Variants in NID2 observed in about 807,000 individuals in gnomAD.
NID2 encodes nidogen 2.
Under a neutral mutation model 145.4 loss-of-function variants are expected in NID2, and 83 were observed. The observed-to-expected ratio is 0.57, with a 90% CI of 0.48 to 0.69. NID2 has a LOEUF of 0.69. Among genes scored for constraint, NID2 ranks in the 30% least tolerant of loss-of-function variants. The pLI, the probability that NID2 is intolerant of heterozygous loss-of-function variation, is 0.00. For missense variants in NID2, 1,807 were observed against 1,765.7 expected (o/e 1.02, Z -0.42); for synonymous variants, 739 against 701.3 (o/e 1.05, Z -0.85).
At chr14:52,037,030 C>T (rs539719720) in intron 9 of NID2, among the ~76,000 whole-genome samples, 3 of 152,200 alleles carry the variant, frequency 2.0e-5, no homozygotes, top group South Asian at 4.1e-4. Context: ...CTTTTAGTGT[C>T]GTACCTAAGA....
chr14:52,015,869 T>G (rs1891200089), intron 14 of NID2, among the ~76,000 whole-genome samples: 1 of 151,936 alleles, frequency 6.6e-6, no homozygotes, highest in Non-Finnish European at 1.5e-5. Flanking sequence ...CTACATGGAG[T>G]AAAGGTAAAA....
chr14:52,045,556 A>AAAT lies in NID2; in HGVS notation c.1430-2626_1430-2625insATT, dbSNP rs1555365216. On this transcript the variant is annotated intron_variant, in intron 5 of 21. Coordinates refer to ENST00000216286, the MANE Select transcript of NID2 (RefSeq NM_007361.4). ...AAGTGATATAAAACTCAAGGCAGAA[A>AAAT]AAAAAAAAAAAAAAACCCAGGATGG... Among the ~76,000 whole-genome samples, 232 of 67,052 alleles carry AAAT rather than the reference A, an allele frequency of 3.5e-3. 1 individual carries two copies. Among genetic ancestry groups the AAAT allele is most frequent in the Middle Eastern group, 9.1e-3 (1 of 110 alleles). 44.0% of individuals were successfully genotyped at this position (67,052 alleles called of 152,430 possible).
At chr14:52,020,341 A>G in intron 12 of NID2, 163 bp from the exon 13 acceptor site, 1 of 1,182,218 alleles carries the variant, frequency 8.5e-7, no homozygotes, top group Non-Finnish European at 1.1e-6. Flanking sequence ...ACCTAAAGGT[A>G]AGCTTAATAG....
chr14:52,012,500 A>G (rs1314612197), intron 16 of NID2, among the ~76,000 whole-genome samples: 2 of 152,146 alleles, frequency 1.3e-5, no homozygotes, highest in African/African-American at 4.8e-5. Context: ...CAGGAGACCG[A>G]GTTGGGAGGA....
At chr14:52,035,531 G>T (rs1480813734) in intron 9 of NID2, among the ~76,000 whole-genome samples, 1 of 152,112 alleles carries the variant, frequency 6.6e-6, no homozygotes, top group East Asian at 1.9e-4. Context: ...TTGAGACGGG[G>T]TCTTGTTATG....
intron 14 of NID2, among the ~76,000 whole-genome samples, chr14:52,018,040 A>G (rs1358973573): frequency 6.6e-6 from 1 of 152,124 alleles, no homozygotes; most frequent in African/African-American, 2.4e-5. Flanking sequence ...GATGGTCTCA[A>G]TCTCTTGACC....
intron 14 of NID2, among the ~76,000 whole-genome samples, chr14:52,017,699 A>T (rs543672097): frequency 6.6e-6 from 1 of 152,334 alleles, no homozygotes; most frequent in East Asian, 1.9e-4. Flanking sequence ...TGAGGGAAAT[A>T]GAATTTCTCT....
intron 2 of NID2, among the ~76,000 whole-genome samples, chr14:52,063,221 C>A (rs1226985498): frequency 6.6e-6 from 1 of 152,212 alleles, no homozygotes; most frequent in Non-Finnish European, 1.5e-5. Context: ...AAGAGCCGCA[C>A]AGGCTCTGTC....
chr14:52,023,956 A>C (rs900250730), intron 12 of NID2, among the ~76,000 whole-genome samples: 2 of 152,352 alleles, frequency 1.3e-5, no homozygotes, highest in Admixed American at 6.5e-5. Flanking sequence ...CACCCACAAA[A>C]TACAGCCTCT....
chr14:52,060,364 G>GAAAAAAAAAAA lies in NID2; in HGVS notation c.535-19_535-9dup. The GAAAAAAAAAAA allele has an allele frequency of 1.3e-6, 1 of 741,880 alleles. No homozygotes were observed. Among genetic ancestry groups the GAAAAAAAAAAA allele is most frequent in the Non-Finnish European group, 1.8e-6 (1 of 546,802 alleles). The allele number at this position is 741,880 out of a possible 1,614,324, so 46.0% of individuals were successfully genotyped here. A position where few individuals can be genotyped will look rare whatever the true frequency, so the allele number is the denominator to read the frequency against. On this transcript the variant is annotated splice_polypyrimidine_tract_variant and intron_variant, in intron 2 of 21. Transcript: ENST00000216286. ...TGCCTGGAAAGTGTTCAGCTGTGAG[G>GAAAAAAAAAAA]AAAAAAAAAAAAAAAGAGAGAGAGA...
intron 14 of NID2, 43 bp downstream of exon 14, chr14:52,019,018 C>T (rs910939779): frequency 2.7e-6 from 4 of 1,496,582 alleles, no homozygotes; most frequent in Non-Finnish European, 3.7e-6. Context: ...ATCTACCTAC[C>T]ACCAGTGCCA....
chr14:52,025,404 C>G (rs1403556737), intron 12 of NID2, among the ~76,000 whole-genome samples: 1 of 152,148 alleles, frequency 6.6e-6, no homozygotes, highest in South Asian at 2.1e-4. Context: ...GGTGTTTATT[C>G]AAGAGGTCCA....
chr14:52,011,918 G>T, intron 16 of NID2: 1 of 474,316 alleles, frequency 2.1e-6, no homozygotes, highest in Non-Finnish European at 3.8e-6. Context: ...TGCAAAATGA[G>T]GCCAATAGTG....
intron 5 of NID2, among the ~76,000 whole-genome samples, chr14:52,052,836 G>C (rs1179281730): frequency 6.6e-6 from 1 of 152,146 alleles, no homozygotes; most frequent in Admixed American, 6.6e-5. Context: ...ATCTTTCCAT[G>C]TCTGATGGGG....
chr14:52,013,193 C>A (rs1566743109), intron 16 of NID2, among the ~76,000 whole-genome samples: 1 of 152,206 alleles, frequency 6.6e-6, no homozygotes, highest in Non-Finnish European at 1.5e-5. Flanking sequence ...AAATAACCCA[C>A]GTCCCATTTC....
At chr14:52,010,842 C>T (rs1890984775) in intron 18 of NID2, 34 bp downstream of exon 18, 2 of 1,601,024 alleles carry the variant, frequency 1.2e-6, no homozygotes, top group African/African-American at 1.3e-5. Flanking sequence ...TCAGGATCTA[C>T]AGGTAAGAGA....
Position 52,060,312 on chromosome 14 carries a change from G to A in NID2, c.579C>T (p.Ser193=). 1 of 1,606,092 alleles carries A rather than the reference G, an allele frequency of 6.2e-7. No individual in the cohort carries two copies. Among genetic ancestry groups the A allele is most frequent in the East Asian group, 2.2e-5 (1 of 44,582 alleles). ...TGGCAGGATAAAGAAAGAGGGCGTA[G>A]CTATCAGACCCATCAGATGCCAAAA... ...QAVLASDGSD[S]YALFLYPANG... Residue 193 remains serine (S), a synonymous_variant, in exon 3 of 22, where the codon AGC becomes AGT. Coordinates refer to ENST00000216286, the MANE Select transcript of NID2 (RefSeq NM_007361.4).
At chr14:52,043,638 G>A (rs1892367618) in intron 5 of NID2, among the ~76,000 whole-genome samples, 1 of 152,206 alleles carries the variant, frequency 6.6e-6, no homozygotes, top group Non-Finnish European at 1.5e-5. Context: ...AATTATGGAG[G>A]ACTAGGATAA....
chr14:52,006,025 T>G (rs1363709447), intron 20 of NID2, 176 bp from the exon 21 acceptor site: 2 of 592,148 alleles, frequency 3.4e-6, no homozygotes, highest in Non-Finnish European at 3.1e-6. Context: ...CCATTGCTCA[T>G]CTCTAGCTGC....
Sources: allele counts gnomAD v4.1 joint callset (sites outside exome capture counted in the v4.1 genomes callset), GRCh38; gene constraint gnomAD v4.1.1; transcripts MANE v1.5; gene names NCBI Gene and HGNC (gene_info 2026-07-23, HGNC 2026-07-21).